The following PLS3 variants were observed in gnomAD, a reference collection of about 807,000 sequenced individuals.
PLS3 encodes the protein plastin-3.
In PLS3, 11 loss-of-function variants were observed where a neutral mutation model predicts 46.5. That is an observed-to-expected ratio of 0.24 (90% CI 0.15 to 0.39). The LOEUF (loss-of-function observed/expected upper bound fraction) is 0.39. PLS3 is among the 10% of genes least tolerant of loss of function. The pLI is 1.00. For missense variants in PLS3, 308 were observed against 461.8 expected (o/e 0.67, Z 3.05); for synonymous variants, 167 against 162.2 (o/e 1.03, Z -0.22).
Position 115,634,069 on chromosome X carries a change from C to A in PLS3, c.570C>A (p.Pro190=), listed in dbSNP as rs782803490. The change falls in exon 6 of 16, where the codon CCC becomes CCA. Residue 190 remains proline (P), a synonymous_variant. Coordinates refer to ENST00000355899, the MANE Select transcript of PLS3 (RefSeq NM_005032.7). ...ERAINKKKLT[P]FIIQENLNLA... is the part of the protein sequence containing the mutation. ...CAATCAACAAGAAGAAACTTACACC[C>A]TTCATCATTCAGGTATGCATTGTTC... is the stretch of plus-strand genomic sequence containing the variant. 2 of 1,121,564 alleles carry A rather than the reference C, an allele frequency of 1.8e-6. No homozygotes were observed. Among genetic ancestry groups the A allele is most frequent in the Admixed American group, 2.2e-5 (1 of 44,905 alleles). 92.4% of individuals were successfully genotyped at this position (1,121,564 alleles called of 1,213,427 possible).
At chrX:115,573,961 C>T (rs782124146) in intron 1 of PLS3, among the ~76,000 whole-genome samples, 1 of 111,240 alleles carries the variant, frequency 9.0e-6, no homozygotes, top group Non-Finnish European at 1.9e-5. Context: ...ACCTCGACCT[C>T]GCAAAGTGCT....
chrX:115,645,909 A>T (rs782142005), intron 11 of PLS3, among the ~76,000 whole-genome samples, 163 bp from the exon 12 acceptor site: 2 of 111,592 alleles, frequency 1.8e-5, no homozygotes, highest in Non-Finnish European at 1.9e-5. Context: ...AATGAATGGG[A>T]TGGTCTTAGC....
intron 7 of PLS3, among the ~76,000 whole-genome samples, chrX:115,636,577 A>T (rs2074839095): frequency 8.9e-6 from 1 of 112,135 alleles, no homozygotes; most frequent in Admixed American, 9.5e-5. Context: ...TGAAGCTTGC[A>T]TTAAGCTTAA....
At chrX:115,622,013 C>T (rs972396683) in intron 2 of PLS3, 1 of 318,215 alleles carries the variant, frequency 3.1e-6, no homozygotes, top group Non-Finnish European at 5.4e-6. Context: ...CTTAGGGATG[C>T]TCTTTTTAAG....
At chrX:115,606,340 G>A (rs1478525513) in intron 1 of PLS3, among the ~76,000 whole-genome samples, 2 of 108,033 alleles carry the variant, frequency 1.9e-5, no homozygotes, top group East Asian at 2.9e-4. Flanking sequence ...GTTTCACCAC[G>A]TTGGCCAGGC....
intron 1 of PLS3, chrX:115,593,515 C>G (rs12847396): frequency 9.0e-6 from 1 of 110,625 alleles, no homozygotes; most frequent in African/African-American, 3.3e-5. Context: ...GTGACTTGCT[C>G]TCTAAAGTTG....
rs185076039 is a variant in PLS3, at chrX:115,561,723, G to T, written c.-9+463G>T. Among the ~76,000 whole-genome samples the T allele has an allele frequency of 1.1e-3, 116 of 110,159 alleles. No individual in the cohort carries two copies. The East Asian group carries it at 0.029, about 28-fold the overall frequency. ...CTCCCGCCCGGACTCAGGAAATCCC[G>T]GAGCCAGCAGCCTGCTACTCCTCCA... is the stretch of plus-strand genomic sequence containing the variant. On this transcript the variant is annotated intron_variant, in intron 1 of 15. Coordinates refer to ENST00000355899, the MANE Select transcript of PLS3 (RefSeq NM_005032.7).
intron 2 of PLS3, among the ~76,000 whole-genome samples, chrX:115,617,582 G>T (rs1314207529): frequency 8.9e-6 from 1 of 111,828 alleles, no homozygotes; most frequent in Non-Finnish European, 1.9e-5. Context: ...ATACACAAAA[G>T]ATTGTGCTAC....
chrX:115,624,544 C>T, intron 3 of PLS3, among the ~76,000 whole-genome samples: 1 of 111,367 alleles, frequency 9.0e-6, no homozygotes, highest in Admixed American at 9.6e-5. Flanking sequence ...ATTTTTTAAT[C>T]TATTAGAAAG....
chrX:115,633,882 G>A, intron 5 of PLS3, 118 bp from the exon 6 acceptor site: 1 of 488,249 alleles, frequency 2.0e-6, no homozygotes, highest in Non-Finnish European at 3.6e-6. Context: ...ATTTTTTAGA[G>A]TACATGAAAG....
rs938852592 is a variant in PLS3 at position 115,594,695 on chromosome X, A to C, written c.-8-15548A>C. 2.2e-4 allele frequency among the ~76,000 whole-genome samples: 23 copies of C among 105,852 alleles called. No individual in the cohort carries two copies. In the South Asian group the frequency reaches 4.2e-3, roughly 19 times the overall value. The allele number at this position is 105,852 out of a possible 115,157, so 91.9% of individuals were successfully genotyped here. A position where few individuals can be genotyped will look rare whatever the true frequency, so the allele number is the denominator to read the frequency against. ...ACACACACACACACACACACACCCC[A>C]CACACACATATCCCTGAAAGTTGCC... On this transcript the variant is annotated intron_variant, in intron 1 of 15. Transcript: ENST00000355899.
At chrX:115,564,825 C>G (rs1374121168) in intron 1 of PLS3, among the ~76,000 whole-genome samples, 1 of 111,862 alleles carries the variant, frequency 8.9e-6, no homozygotes, top group Non-Finnish European at 1.9e-5. Flanking sequence ...ATGAATATCT[C>G]TCAATACATG....
At chrX:115,645,938 T>C in intron 11 of PLS3, 134 bp from the exon 12 acceptor site, 1 of 466,805 alleles carries the variant, frequency 2.1e-6, no homozygotes, top group South Asian at 3.3e-5. Context: ...CAGCACAGAT[T>C]GATAGAAAAT....
rs2074985030 is a variant in PLS3, at chrX:115,649,606, T to TC, written c.*46dup. 8.7e-7 allele frequency: 1 copy of TC among 1,146,440 alleles called. No homozygotes were observed. The highest frequency in any genetic ancestry group is 1.2e-6 in the Non-Finnish European group (1 of 847,396). 94.5% of individuals were successfully genotyped at this position (1,146,440 alleles called of 1,213,427 possible). A position where few individuals can be genotyped will look rare whatever the true frequency, so the allele number is the denominator to read the frequency against. Reference sequence around the variant, plus strand: ...ACAGCCATGCTCCCAGGTGCATGATTCGCAGGTCAGCTATTTCCAGGTGAA... The same window carrying TC: ...ACAGCCATGCTCCCAGGTGCATGATTCCGCAGGTCAGCTATTTCCAGGTGAA... On this transcript the variant is annotated 3_prime_UTR_variant, in exon 16 of 16. Transcript: ENST00000355899.
At chrX:115,622,522 C>G (rs1385461550) in intron 3 of PLS3, 113 bp downstream of exon 3, 1 of 420,856 alleles carries the variant, frequency 2.4e-6, no homozygotes, top group African/African-American at 2.7e-5. Context: ...CATATTAGTA[C>G]TGTTATAACA....
At chrX:115,633,827 A>G (rs1009787028) in intron 5 of PLS3, among the ~76,000 whole-genome samples, 173 bp from the exon 6 acceptor site, 1 of 111,415 alleles carries the variant, frequency 9.0e-6, no homozygotes, top group Non-Finnish European at 1.9e-5. Context: ...TATTTTCCAT[A>G]TGTGTAGTTT....
chrX:115,589,013 G>T (rs182677170), intron 1 of PLS3, among the ~76,000 whole-genome samples: 396 of 111,500 alleles, frequency 3.6e-3, no homozygotes, highest in Middle Eastern at 0.019. Context: ...TTTCTTCTGC[G>T]ACAGTCTTGC....
intron 1 of PLS3, among the ~76,000 whole-genome samples, chrX:115,574,830 C>T (rs1259626110): frequency 8.0e-5 from 9 of 112,425 alleles, no homozygotes; most frequent in Non-Finnish European, 1.5e-4. Context: ...CCGCCCACCT[C>T]GGCTTCCCAA....
chrX:115,635,315 CTTGA>C (rs1327723696), intron 7 of PLS3, among the ~76,000 whole-genome samples: 1 of 110,512 alleles, frequency 9.0e-6, no homozygotes, highest in African/African-American at 3.3e-5. Flanking sequence ...AGTCCTCAAA[CTTGA>C]TTATCTATTT....
Sources: allele counts gnomAD v4.1 joint callset (sites outside exome capture counted in the v4.1 genomes callset), GRCh38; gene constraint gnomAD v4.1.1; transcripts MANE v1.5; gene names NCBI Gene and HGNC (gene_info 2026-07-23, HGNC 2026-07-21).